The following FLT3LG variants were observed in gnomAD, a reference collection of about 807,000 sequenced individuals.
FLT3LG encodes fms related receptor tyrosine kinase 3 ligand, also known as fms-related tyrosine kinase 3 ligand.
Under a neutral mutation model 30.9 loss-of-function variants are expected in FLT3LG, and 8 were observed. That is an observed-to-expected ratio of 0.26 (90% CI 0.15 to 0.47). FLT3LG has a LOEUF of 0.47. FLT3LG is among the 20% of genes least tolerant of loss of function. The pLI is 0.99. For missense variants in FLT3LG, 278 were observed against 306.2 expected, an observed-to-expected ratio of 0.91 and a Z score of 0.69; for synonymous variants, 123 against 135.9, an observed-to-expected ratio of 0.91 and a Z score of 0.66.
chr19:49,480,024 G>A (rs922677137), intron 6 of FLT3LG, among the ~76,000 whole-genome samples: 5 of 149,688 alleles, frequency 3.3e-5, no homozygotes, highest in African/African-American at 4.9e-5. Flanking sequence ...GGCTGGTCTT[G>A]AACTCCTGAC....
chr19:49,476,675 G>A lies in FLT3LG; in HGVS notation c.342+109G>A, dbSNP rs755552672. 5.6e-5 allele frequency: 82 copies of A among 1,476,078 alleles called. No individual in the cohort carries two copies. Among genetic ancestry groups the A allele is most frequent in the East Asian group, 1.6e-4 (7 of 43,446 alleles). The allele number at this position is 1,476,078 out of a possible 1,614,324, so 91.4% of individuals were successfully genotyped here. A position where few individuals can be genotyped will look rare whatever the true frequency, so the allele number is the denominator to read the frequency against. ...GCGATTTGGACCATAGCCACCCAAC[G>A]AAGGTAGAGCGAGAAGCGCCACCCT... On this transcript the variant is annotated intron_variant, in intron 5 of 8. Transcript: ENST00000597551. This position sits in a 1 kb window ranked among gnomAD's most constrained non-coding sequence, Gnocchi z 5.3.
In FLT3LG at chr19:49,476,581, T is replaced by C. The variant is rs1267573857; in HGVS notation, c.342+15T>C. 1 of 1,613,766 alleles carries C rather than the reference T, an allele frequency of 6.2e-7. No homozygotes were observed. The highest frequency in any genetic ancestry group is 2.2e-5 in the East Asian group (1 of 44,882). ...GTGCCTTTCAGGTCAGCCCTCAACT[T>C]AGGGGACAAGTGAGGGGAGGGAGAT... On this transcript the variant is annotated intron_variant, in intron 5 of 8. Coordinates refer to ENST00000597551, the MANE Select transcript of FLT3LG (RefSeq NM_001459.4). The surrounding 1 kb of genome is among the most constrained non-coding windows in gnomAD (Gnocchi z 5.3).
rs2122487743 is a variant in FLT3LG at position 49,476,063 on chromosome 19, G to A, written c.145-82G>A. On this transcript the variant is annotated intron_variant, in intron 3 of 8. Coordinates refer to ENST00000597551, the MANE Select transcript of FLT3LG (RefSeq NM_001459.4). This position sits in a 1 kb window ranked among gnomAD's most constrained non-coding sequence, Gnocchi z 5.3. ...CTCTTGGTCTTGTCCCTCTCTCTCT[G>A]GATCTCTGCTGCCACCTCTGGGTCC... is the stretch of plus-strand genomic sequence containing the variant. 1 of 1,482,982 alleles carries A rather than the reference G, an allele frequency of 6.7e-7. No individual in the cohort carries two copies. Among genetic ancestry groups the A allele is most frequent in the Non-Finnish European group, 9.4e-7 (1 of 1,062,126 alleles). The allele number at this position is 1,482,982 out of a possible 1,614,324, so 91.9% of individuals were successfully genotyped here.
In FLT3LG at chr19:49,476,600, G is replaced by A. The variant is rs2079403027; in HGVS notation, c.342+34G>A. The A allele has an allele frequency of 1.9e-6, 3 of 1,612,568 alleles. No homozygotes were observed. The highest frequency in any genetic ancestry group is 1.7e-5 in the Admixed American group (1 of 59,442). ...TCAACTTAGGGGACAAGTGAGGGGAGGGAGATGCCTTCCTACGAATTAGAA... is the reference window on the plus strand; with the variant it reads ...TCAACTTAGGGGACAAGTGAGGGGAAGGAGATGCCTTCCTACGAATTAGAA... On this transcript the variant is annotated intron_variant, in intron 5 of 8. Coordinates refer to ENST00000597551, the MANE Select transcript of FLT3LG (RefSeq NM_001459.4). The surrounding 1 kb of genome is among the most constrained non-coding windows in gnomAD (Gnocchi z 5.3).
Position 49,480,401 on chromosome 19 carries a change from C to T in FLT3LG, c.585C>T (p.Gly195=), listed in dbSNP as rs769586714. ...TCCTCCTACTGCTGCTGCCCGTGGG[C>T]CTCCTGCTGCTGGCCGCTGCCTGGT... The part of the protein sequence containing the change: ...PLLLLLLLPV[G]LLLLAAAWCL... Residue 195 remains glycine (G), a synonymous_variant, in exon 7 of 9, where the codon GGC becomes GGT. Coordinates refer to ENST00000597551, the MANE Select transcript of FLT3LG (RefSeq NM_001459.4). 11 of 1,608,798 alleles carry T rather than the reference C, an allele frequency of 6.8e-6. No individual in the cohort carries two copies. In the South Asian group the frequency reaches 1.2e-4, roughly 18 times the overall value.
At position 49,478,938 on chromosome 19, in the gene FLT3LG, G is replaced by T; in HGVS notation, c.372G>T (p.Gln124His). The T allele has an allele frequency of 1.3e-6, 2 of 1,560,986 alleles. No homozygotes were observed. Among genetic ancestry groups the T allele is most frequent in the Non-Finnish European group, 1.7e-6 (2 of 1,152,552 alleles). Residue 124 changes from glutamine to histidine, a missense_variant, in exon 6 of 9, where the codon CAG (glutamine) becomes CAT (histidine). Physicochemically the swap from Gln to His is conservative, Grantham distance 24. Transcript: ENST00000597551. ...QPPPSCLRFVQTNISRLLQET... is the reference protein window; with the variant it reads ...QPPPSCLRFVHTNISRLLQET... The stretch of plus-strand genomic sequence containing the variant: ...CCCCCAGCTGTCTTCGCTTCGTCCA[G>T]ACCAACATCTCCCGCCTCCTGCAGG...
chr19:49,476,774 G>GC lies in FLT3LG; in HGVS notation c.342+212dup. On this transcript the variant is annotated intron_variant, in intron 5 of 8. Coordinates refer to ENST00000597551, the MANE Select transcript of FLT3LG (RefSeq NM_001459.4). This position sits in a 1 kb window ranked among gnomAD's most constrained non-coding sequence, Gnocchi z 5.3. ...GGGAGCAGTCTGGTCCCATTCTGGG[G>GC]CCCCGGTTTCCTAGGCCATGATGAA... 1.0e-5 allele frequency: 6 copies of GC among 602,496 alleles called. No individual in the cohort carries two copies. In the South Asian group the frequency reaches 1.3e-4, roughly 13 times the overall value. The allele number at this position is 602,496 out of a possible 1,614,324, so 37.3% of individuals were successfully genotyped here.
chr19:49,482,867 TC>T (rs1187784559), intron 8 of FLT3LG, among the ~76,000 whole-genome samples: 3 of 152,002 alleles, frequency 2.0e-5, no homozygotes, highest in Non-Finnish European at 4.4e-5. Context: ...GACCTCATGA[TC>T]CACCCGCCTC....
At chr19:49,483,520 TA>T (rs1390930770) in intron 8 of FLT3LG, among the ~76,000 whole-genome samples, 1 of 152,044 alleles carries the variant, frequency 6.6e-6, no homozygotes, top group Admixed American at 6.6e-5. Context: ...AAACATACAT[TA>T]AACCAGCCTG....
chr19:49,476,522 C>T lies in FLT3LG; in HGVS notation c.298C>T (p.Arg100Cys). The change falls in exon 5 of 9, where the codon CGC becomes TGC. Residue 100 changes from arginine (R) to cysteine (C), a missense_variant. Coordinates refer to ENST00000597551, the MANE Select transcript of FLT3LG (RefSeq NM_001459.4). The surrounding 1 kb of genome is among the most constrained non-coding windows in gnomAD (Gnocchi z 5.3). ...AGSKMQGLLE[R>C]VNTEIHFVTK... is the part of the protein sequence containing the mutation. Reference sequence around the variant, plus strand: ...GTCCAAGATGCAAGGCTTGCTGGAGCGCGTGAACACGGAGATACACTTTGT... The same window carrying T: ...GTCCAAGATGCAAGGCTTGCTGGAGTGCGTGAACACGGAGATACACTTTGT... 6.2e-7 allele frequency: 1 copy of T among 1,614,134 alleles called. No individual in the cohort carries two copies. The highest frequency in any genetic ancestry group is 8.5e-7 in the Non-Finnish European group (1 of 1,180,018).
At position 49,480,391 on chromosome 19, in the gene FLT3LG, T is replaced by C; in HGVS notation, c.575T>C (p.Leu192Pro). Residue 192 changes from leucine (L) to proline (P), a missense_variant, in exon 7 of 9, where the codon CTG becomes CCG. Physicochemically the swap from Leu to Pro is moderately conservative, Grantham distance 98. Coordinates refer to ENST00000597551, the MANE Select transcript of FLT3LG (RefSeq NM_001459.4). ...PQPPLLLLLL[L>P]PVGLLLLAAA... ...CCCCCTCTGCTCCTCCTACTGCTGC[T>C]GCCCGTGGGCCTCCTGCTGCTGGCC... The C allele has an allele frequency of 6.2e-7, 1 of 1,610,336 alleles. No homozygotes were observed. Among genetic ancestry groups the C allele is most frequent in the African/African-American group, 1.3e-5 (1 of 74,990 alleles).
At chr19:49,479,230 T>C (rs1406597652) in intron 6 of FLT3LG, among the ~76,000 whole-genome samples, 183 bp downstream of exon 6, 1 of 148,676 alleles carries the variant, frequency 6.7e-6, no homozygotes, top group Non-Finnish European at 1.5e-5. Flanking sequence ...AGTCTCGCAC[T>C]GTCGCCCAGG....
rs2079558064 is a variant in FLT3LG at position 49,480,333 on chromosome 19, C to T, written c.517C>T (p.Pro173Ser). 2 of 1,608,788 alleles carry T rather than the reference C, an allele frequency of 1.2e-6. No homozygotes were observed. Among genetic ancestry groups the T allele is most frequent in the Non-Finnish European group, 8.5e-7 (1 of 1,177,356 alleles). ...CCTGCCACCCCCATGGAGTCCCCGG[C>T]CCCTGGAGGCCACAGCCCCGACAGC... Reference protein sequence around the residue: ...STLPPPWSPRPLEATAPTAPQ... With the variant: ...STLPPPWSPRSLEATAPTAPQ... The change falls in exon 7 of 9, where the codon CCC becomes TCC. Residue 173 changes from proline to serine, a missense_variant. Physicochemically the swap from Pro to Ser is moderately conservative, Grantham distance 74. Transcript: ENST00000597551.
In FLT3LG at chr19:49,478,904, C is replaced by T. The variant is rs1206183993; in HGVS notation, c.343-5C>T. The T allele has an allele frequency of 1.3e-6, 2 of 1,525,504 alleles. No individual in the cohort carries two copies. The highest frequency in any genetic ancestry group is 2.5e-5 in the South Asian group (2 of 81,272). 94.5% of individuals were successfully genotyped at this position (1,525,504 alleles called of 1,614,324 possible). A position where few individuals can be genotyped will look rare whatever the true frequency, so the allele number is the denominator to read the frequency against. On this transcript the variant is annotated splice_region_variant and splice_polypyrimidine_tract_variant and intron_variant, in intron 5 of 8. Transcript: ENST00000597551. ...GGTGGTGACGTCTCCCTCCCCTGCT[C>T]CCAGCCCCCCCCCAGCTGTCTTCGC...
At chr19:49,474,560 T>C in intron 1 of FLT3LG, 43 bp from the exon 2 acceptor site, 1 of 1,452,468 alleles carries the variant, frequency 6.9e-7, no homozygotes, top group Non-Finnish European at 9.5e-7. Flanking sequence ...GGGCAGGGGC[T>C]GGGGCATGAG....
rs1306168283 is a variant in FLT3LG, at chr19:49,480,473, G to A, written c.657G>A (p.Glu219=). ...GGCGGAGGACACCCCGCCCTGGGGA[G>A]CAGGTGAGCAGGCTGGGAAGAGGGG... ...RTRRRTPRPG[E]QVPPVPSPQD... Residue 219 remains glutamate (E), a synonymous_variant, in exon 7 of 9, where the codon GAG becomes GAA. Coordinates refer to ENST00000597551, the MANE Select transcript of FLT3LG (RefSeq NM_001459.4). The A allele has an allele frequency of 4.4e-6, 7 of 1,587,110 alleles. No homozygotes were observed. In the African/African-American group the frequency reaches 5.4e-5, roughly 12 times the overall value.
In FLT3LG at chr19:49,476,119, A is replaced by G; in HGVS notation, c.145-26A>G. 6.2e-7 allele frequency: 1 copy of G among 1,613,630 alleles called. No individual in the cohort carries two copies. Among genetic ancestry groups the G allele is most frequent in the Non-Finnish European group, 8.5e-7 (1 of 1,179,812 alleles). ...GTTCTGTTTCTCGCTGTTTTCAGCC[A>G]GGCCTGATCCTGTTTTCTCCCGCAG... On this transcript the variant is annotated intron_variant, in intron 3 of 8. Transcript: ENST00000597551. The surrounding 1 kb of genome is among the most constrained non-coding windows in gnomAD (Gnocchi z 5.3).
rs549879311 is a variant in FLT3LG, at chr19:49,477,555, G to A, written c.342+989G>A. ...GGAGTTCGAGACCAGCCTCGGCAAC[G>A]TGATGAAAACCATCTCTACTAAAAT... On this transcript the variant is annotated intron_variant, in intron 5 of 8. Transcript: ENST00000597551. Among the ~76,000 whole-genome samples, 36 of 150,314 alleles carry A rather than the reference G, an allele frequency of 2.4e-4. No individual in the cohort carries two copies. The East Asian group carries it at 6.7e-3, about 28-fold the overall frequency.
In FLT3LG at chr19:49,475,122, C is replaced by G. The variant is rs2079339238; in HGVS notation, c.33+450C>G. ...ATGGACAGAGGAGAGGGGAGATGGA[C>G]AGGAGGGGGAGATGGACAGAGGAGA... On this transcript the variant is annotated intron_variant, in intron 2 of 8. Transcript: ENST00000597551. Among the ~76,000 whole-genome samples, 2 of 53,896 alleles carry G rather than the reference C, an allele frequency of 3.7e-5. 1 individual carries two copies. Among genetic ancestry groups the G allele is most frequent in the Admixed American group, 6.0e-4 (2 of 3,328 alleles). 35.4% of individuals were successfully genotyped at this position (53,896 alleles called of 152,430 possible). A position where few individuals can be genotyped will look rare whatever the true frequency, so the allele number is the denominator to read the frequency against.
Sources: allele counts gnomAD v4.1 joint callset (sites outside exome capture counted in the v4.1 genomes callset), GRCh38; gene constraint gnomAD v4.1.1; non-coding constraint Gnocchi (gnomAD v3.1); transcripts MANE v1.5; gene names NCBI Gene and HGNC (gene_info 2026-07-23, HGNC 2026-07-21).